Variants in TRPS1 observed in about 807,000 individuals in gnomAD.
TRPS1 encodes the protein transcriptional repressor GATA binding 1.
In TRPS1, 6 loss-of-function variants were observed where a neutral mutation model predicts 101.2. The ratio of observed to expected loss-of-function variants is 0.06; its 90% CI spans 0.03 to 0.12. The LOEUF is 0.12. TRPS1 is among the 10% of genes least tolerant of loss of function. The pLI, the probability that TRPS1 is intolerant of heterozygous loss-of-function variation, is 1.00. For missense variants in TRPS1, 1,363 were observed against 1,567.0 expected (o/e 0.87, Z 2.20); for synonymous variants, 578 against 589.8 (o/e 0.98, Z 0.29).
intron 5 of TRPS1, among the ~76,000 whole-genome samples, chr8:115,499,970 TTTCTTTTCTTTTC>T (rs1241217743): frequency 3.7e-5 from 3 of 81,280 alleles, no homozygotes; most frequent in Non-Finnish European, 7.0e-5. Flanking sequence ...TTTCTTTTCT[TTTCTTTTCTTTTC>T]TTTTCTTTTC....
At chr8:115,479,876 T>C (rs1814707409) in intron 5 of TRPS1, among the ~76,000 whole-genome samples, 1 of 152,070 alleles carries the variant, frequency 6.6e-6, no homozygotes, top group African/African-American at 2.4e-5. Context: ...GATCACAGCA[T>C]CAGAAAGTCC....
intron 1 of TRPS1, among the ~76,000 whole-genome samples, chr8:115,638,985 A>C (rs1398826739): frequency 3.3e-5 from 5 of 152,208 alleles, no homozygotes; most frequent in Non-Finnish European, 7.3e-5. Context: ...CACTCTATAT[A>C]TACTGAATGA....
At chr8:115,521,129 T>C (rs1370332274) in intron 5 of TRPS1, among the ~76,000 whole-genome samples, 1 of 134,068 alleles carries the variant, frequency 7.5e-6, no homozygotes, top group Non-Finnish European at 1.6e-5. Flanking sequence ...TATTTCTCTT[T>C]CTTATCCCAA....
chr8:115,569,832 T>C (rs558463147), intron 5 of TRPS1, among the ~76,000 whole-genome samples: 1 of 152,208 alleles, frequency 6.6e-6, no homozygotes, highest in African/African-American at 2.4e-5. Flanking sequence ...AGCACTGTGT[T>C]CTATATAAAC....
chr8:115,484,625 T>C (rs1293902442), intron 5 of TRPS1, among the ~76,000 whole-genome samples: 3 of 152,198 alleles, frequency 2.0e-5, no homozygotes, highest in Non-Finnish European at 4.4e-5. Flanking sequence ...GTCAGCTTCA[T>C]CTAAAAGAGC....
intron 1 of TRPS1, among the ~76,000 whole-genome samples, chr8:115,644,631 C>G (rs538084057): frequency 6.6e-6 from 1 of 152,298 alleles, no homozygotes; most frequent in Middle Eastern, 3.4e-3. Flanking sequence ...TTCCTTCAAG[C>G]ACTTTTCCTT....
At position 115,411,277 on chromosome 8, in the gene TRPS1, T is replaced by C. The variant is rs549786633; in HGVS notation, c.*2746A>G. On this transcript the variant is annotated 3_prime_UTR_variant, in exon 7 of 7. Coordinates refer to ENST00000395715, the MANE Select transcript of TRPS1 (RefSeq NM_014112.5). ...ATGCTAGTCGTTACTACTATGTCTGTCTGAGAAAAAAAAAAAATTGAATGA... is the reference window on the plus strand; with the variant it reads ...ATGCTAGTCGTTACTACTATGTCTGCCTGAGAAAAAAAAAAAATTGAATGA... 1 of 152,026 alleles carries C rather than the reference T, an allele frequency of 6.6e-6. No individual in the cohort carries two copies. Among genetic ancestry groups the C allele is most frequent in the Non-Finnish European group, 1.5e-5 (1 of 67,882 alleles). The allele number at this position is 152,026 out of a possible 1,614,324, so 9.4% of individuals were successfully genotyped here. A position where few individuals can be genotyped will look rare whatever the true frequency, so the allele number is the denominator to read the frequency against.
At chr8:115,628,309 T>C (rs1415879813) in intron 1 of TRPS1, among the ~76,000 whole-genome samples, 1 of 151,780 alleles carries the variant, frequency 6.6e-6, no homozygotes, top group East Asian at 1.9e-4. Context: ...GCTAATCCAT[T>C]CACGCAACAA....
At position 115,603,920 on chromosome 8, in the gene TRPS1, T is replaced by C. The variant is rs1485772648; in HGVS notation, c.2049A>G (p.Lys683=). 1 of 1,613,936 alleles carries C rather than the reference T, an allele frequency of 6.2e-7. No individual in the cohort carries two copies. The highest frequency in any genetic ancestry group is 8.5e-7 in the Non-Finnish European group (1 of 1,179,930). The change falls in exon 4 of 7, where the codon AAA becomes AAG. Residue 683 remains lysine (K), a synonymous_variant. Coordinates refer to ENST00000395715, the MANE Select transcript of TRPS1 (RefSeq NM_014112.5). The part of the protein sequence containing the change: ...VKESKEHSCT[K]CDFITQVEEE... Reference sequence around the variant, plus strand: ...CTTCCACTTGGGTAATAAAATCACATTTGGTACATGAGTGTTCTTTGCTTT... The same window carrying C: ...CTTCCACTTGGGTAATAAAATCACACTTGGTACATGAGTGTTCTTTGCTTT...
At chr8:115,446,672 T>C (rs1027244020) in intron 5 of TRPS1, among the ~76,000 whole-genome samples, 9 of 152,180 alleles carry the variant, frequency 5.9e-5, no homozygotes, top group Non-Finnish European at 7.4e-5. Flanking sequence ...GCTCTATCCA[T>C]GGCTATTCTA....
At chr8:115,541,867 A>G (rs983376136) in intron 5 of TRPS1, among the ~76,000 whole-genome samples, 6 of 152,180 alleles carry the variant, frequency 3.9e-5, no homozygotes, top group African/African-American at 1.4e-4. Context: ...CCTTATATCC[A>G]CACACAGCAG....
intron 5 of TRPS1, among the ~76,000 whole-genome samples, chr8:115,519,770 G>A (rs184241584): frequency 1.2e-3 from 179 of 151,642 alleles, no homozygotes; most frequent in Middle Eastern, 7.0e-3. Flanking sequence ...TCTTAAGTCT[G>A]TATTTACTAA....
At chr8:115,599,025 C>A (rs1409636771) in intron 4 of TRPS1, among the ~76,000 whole-genome samples, 1 of 152,124 alleles carries the variant, frequency 6.6e-6, no homozygotes, top group African/African-American at 2.4e-5. Flanking sequence ...TCTAGAAAAT[C>A]TTTTTCCATT....
At chr8:115,436,939 G>A (rs77684960) in intron 5 of TRPS1, among the ~76,000 whole-genome samples, 2 of 81,184 alleles carry the variant, frequency 2.5e-5, no homozygotes, top group East Asian at 4.3e-4. Flanking sequence ...TAAAAAAAAA[G>A]TCAATACATT....
rs1818050272 is a variant in TRPS1 at position 115,606,863 on chromosome 8, A to AGG, written c.967-1863_967-1862dup. On this transcript the variant is annotated intron_variant, in intron 3 of 6. Transcript: ENST00000395715. ...ATATTTAAATGGATAGCCATCAATC[A>AGG]GGTTCTTTGTTCCGGAACTTAAACT... Among the ~76,000 whole-genome samples the AGG allele has an allele frequency of 2.6e-5, 4 of 151,974 alleles. No individual in the cohort carries two copies. The South Asian group carries it at 8.3e-4, about 32-fold the overall frequency.
At chr8:115,455,117 T>C (rs1813983787) in intron 5 of TRPS1, among the ~76,000 whole-genome samples, 2 of 152,170 alleles carry the variant, frequency 1.3e-5, no homozygotes, top group African/African-American at 4.8e-5. Flanking sequence ...TACTTTAAGG[T>C]GTAAGTGTTC....
intron 5 of TRPS1, among the ~76,000 whole-genome samples, chr8:115,475,289 T>TATATATATATATATAACTGTGATTCAAAA (rs1814575849): frequency 1.5e-5 from 1 of 67,402 alleles, no homozygotes; most frequent in African/African-American, 3.5e-5. Flanking sequence ...TATATATATA[T>TATATATATATATATAACTGTGATTCAAAA]ATATATATAT....
intron 3 of TRPS1, among the ~76,000 whole-genome samples, chr8:115,613,719 T>C (rs1025441019): frequency 6.6e-6 from 1 of 152,206 alleles, no homozygotes; most frequent in African/African-American, 2.4e-5. Context: ...AGTTCATTAA[T>C]ACATGTAAAA....
chr8:115,560,607 G>T (rs1339185515), intron 5 of TRPS1, among the ~76,000 whole-genome samples: 1 of 152,074 alleles, frequency 6.6e-6, no homozygotes, highest in East Asian at 1.9e-4. Context: ...TTGTACATTG[G>T]TGTAAACTGC....
Sources: gnomAD v4.1 joint callset for allele counts (sites outside exome capture counted in the v4.1 genomes callset) on GRCh38, gnomAD v4.1.1 for gene constraint, MANE v1.5 for transcripts, NCBI Gene and HGNC (gene_info 2026-07-23, HGNC 2026-07-21) for gene names.